The following ARHGAP21 variants were observed in gnomAD, a reference collection of about 807,000 sequenced individuals.
ARHGAP21 encodes the protein Rho GTPase activating protein 21.
ARHGAP21 carries 38 observed loss-of-function variants against 164.6 expected under a neutral mutation model. The ratio of observed to expected loss-of-function variants is 0.23; its 90% CI spans 0.18 to 0.30. The LOEUF (loss-of-function observed/expected upper bound fraction) is 0.30. Ranked by LOEUF, ARHGAP21 falls within the 10% of genes least tolerant of loss-of-function variation. The pLI is 1.00. For synonymous variants in ARHGAP21, 766 were observed against 857.9 expected, an observed-to-expected ratio of 0.89 and a Z score of 1.87; for missense variants, 1,822 against 2,370.7, an observed-to-expected ratio of 0.77 and a Z score of 4.81.
chr10:24,651,138 T>TC (rs1838120930), intron 4 of ARHGAP21, among the ~76,000 whole-genome samples: 1 of 152,166 alleles, frequency 6.6e-6, no homozygotes, highest in African/African-American at 2.4e-5. Flanking sequence ...TCTGAAGAAC[T>TC]TGCCGAGGGG....
In ARHGAP21 at chr10:24,618,012, G is replaced by A. The variant is rs138344317; in HGVS notation, c.2422+1461C>T. 1.5e-3 allele frequency among the ~76,000 whole-genome samples: 230 copies of A among 148,978 alleles called. 5 individuals are homozygous for A. In the East Asian group the frequency reaches 0.038, roughly 25 times the overall value. ...GCTCCCTGGAGCTGTGCTCTGGGAC[G>A]AGGCTGAATGAGGCAAACCTAGAGA... On this transcript the variant is annotated intron_variant, in intron 9 of 25. Coordinates refer to ENST00000396432, the MANE Select transcript of ARHGAP21 (RefSeq NM_020824.4).
intron 2 of ARHGAP21, among the ~76,000 whole-genome samples, chr10:24,687,065 AT>A (rs1329242796): frequency 1.3e-5 from 2 of 152,118 alleles, no homozygotes; most frequent in African/African-American, 4.8e-5. Flanking sequence ...AAAATACAAA[AT>A]TTAGCCAGGT....
At chr10:24,619,027 A>G (rs1047135738) in intron 9 of ARHGAP21, among the ~76,000 whole-genome samples, 23 of 152,202 alleles carry the variant, frequency 1.5e-4, no homozygotes, top group African/African-American at 5.1e-4. Flanking sequence ...TAACTTGACA[A>G]TGAAGAGGTC....
chr10:24,653,094 T>A (rs1010041653), intron 4 of ARHGAP21, among the ~76,000 whole-genome samples: 5 of 152,168 alleles, frequency 3.3e-5, no homozygotes, highest in Admixed American at 6.5e-5. Flanking sequence ...ATACATAAGA[T>A]AAAAAATACC....
rs565872094 is a variant in ARHGAP21, at chr10:24,624,337, C to CTTTTTTTTTTT, written c.496-1586_496-1576dup. On this transcript the variant is annotated intron_variant, in intron 7 of 25. Coordinates refer to ENST00000396432, the MANE Select transcript of ARHGAP21 (RefSeq NM_020824.4). ...CTGCCTGGGAAATGCTGTTCTAGAACTTTTTTTTTTTTTTTTTTTTGAGAC... is the reference window on the plus strand; with the variant it reads ...CTGCCTGGGAAATGCTGTTCTAGAACTTTTTTTTTTTTTTTTTTTTTTTTTTTTTTTGAGAC... Among the ~76,000 whole-genome samples, 149 of 102,860 alleles carry CTTTTTTTTTTT rather than the reference C, an allele frequency of 1.4e-3. 15 individuals carry two copies. The highest frequency in any genetic ancestry group is 4.0e-3 in the African/African-American group (101 of 25,250). The allele number at this position is 102,860 out of a possible 152,430, so 67.5% of individuals were successfully genotyped here. A position where few individuals can be genotyped will look rare whatever the true frequency, so the allele number is the denominator to read the frequency against.
At chr10:24,634,241 A>T (rs906268236) in intron 5 of ARHGAP21, among the ~76,000 whole-genome samples, 1 of 151,888 alleles carries the variant, frequency 6.6e-6, no homozygotes, top group Non-Finnish European at 1.5e-5. Context: ...TAAGTATAAT[A>T]AAAAAAACTA....
intron 11 of ARHGAP21, among the ~76,000 whole-genome samples, chr10:24,605,965 T>C (rs954075462): frequency 6.6e-6 from 1 of 152,126 alleles, no homozygotes; most frequent in Non-Finnish European, 1.5e-5. Context: ...ACATATGACT[T>C]AGTATATAAT....
chr10:24,716,730 G>A (rs1845424110), intron 2 of ARHGAP21, among the ~76,000 whole-genome samples: 1 of 152,206 alleles, frequency 6.6e-6, no homozygotes, highest in South Asian at 2.1e-4. Flanking sequence ...ACAGGCTTTA[G>A]GCTGGCAAGG....
intron 9 of ARHGAP21, among the ~76,000 whole-genome samples, chr10:24,619,270 T>TA (rs1565027142): frequency 7.3e-5 from 11 of 151,188 alleles, no homozygotes; most frequent in African/African-American, 2.5e-4. Flanking sequence ...TGTTTTTTTT[T>TA]TAAAAAAAGG....
At chr10:24,638,433 T>C (rs1464698640) in intron 4 of ARHGAP21, among the ~76,000 whole-genome samples, 1 of 152,224 alleles carries the variant, frequency 6.6e-6, no homozygotes, top group Non-Finnish European at 1.5e-5. Context: ...AAGTATCATA[T>C]TTAACACGTG....
At chr10:24,660,977 C>T (rs1229644165) in intron 4 of ARHGAP21, among the ~76,000 whole-genome samples, 1 of 152,028 alleles carries the variant, frequency 6.6e-6, no homozygotes, top group Admixed American at 6.6e-5. Flanking sequence ...GATGGCATCC[C>T]GAGACCACCC....
chr10:24,689,830 G>A (rs937211626), intron 2 of ARHGAP21, among the ~76,000 whole-genome samples: 1 of 148,050 alleles, frequency 6.8e-6, no homozygotes, highest in Non-Finnish European at 1.5e-5. Flanking sequence ...ATGTATATAT[G>A]TATGTGTATA....
intron 3 of ARHGAP21, among the ~76,000 whole-genome samples, 155 bp downstream of exon 3, chr10:24,670,063 T>C (rs959720333): frequency 6.6e-6 from 1 of 152,080 alleles, no homozygotes; most frequent in Non-Finnish European, 1.5e-5. Flanking sequence ...GGAAAATACC[T>C]AAAAGGAGAA....
At chr10:24,613,140 C>G (rs929905486) in intron 9 of ARHGAP21, among the ~76,000 whole-genome samples, 1 of 151,920 alleles carries the variant, frequency 6.6e-6, no homozygotes, top group Non-Finnish European at 1.5e-5. Flanking sequence ...ATACCAATTA[C>G]TGAACATCAG....
rs1428979349 is a variant in ARHGAP21 at position 24,584,460 on chromosome 10, T to C, written c.5829A>G (p.Lys1943=). Residue 1943 remains lysine, a synonymous_variant, in exon 26 of 26, where the codon AAA becomes AAG. Transcript: ENST00000396432. The part of the protein sequence containing the change: ...ASSAANAQPH[K]LSETPGSKAE... ...CTTTACTGCCTGGGGTTTCAGACAG[T>C]TTATGAGGTTGGGCATTCGCTGCAG... The C allele has an allele frequency of 6.2e-7, 1 of 1,613,508 alleles. No homozygotes were observed. Among genetic ancestry groups the C allele is most frequent in the Non-Finnish European group, 8.5e-7 (1 of 1,179,740 alleles).
intron 2 of ARHGAP21, among the ~76,000 whole-genome samples, chr10:24,689,770 A>G (rs1227472956): frequency 6.6e-6 from 1 of 151,054 alleles, no homozygotes; most frequent in Non-Finnish European, 1.5e-5. Flanking sequence ...ATATGTATGT[A>G]TATATGTGTG....
chr10:24,662,110 C>A (rs1201414107), intron 4 of ARHGAP21, among the ~76,000 whole-genome samples: 1 of 152,146 alleles, frequency 6.6e-6, no homozygotes, highest in Non-Finnish European at 1.5e-5. Context: ...GATGGTTGCT[C>A]CTGCAAAGTG....
At chr10:24,711,093 CAAAAAAAAAAAAA>C (rs11304785) in intron 2 of ARHGAP21, among the ~76,000 whole-genome samples, 3 of 43,566 alleles carry the variant, frequency 6.9e-5, no homozygotes, top group Admixed American at 3.2e-4. Context: ...GACTCCATCT[CAAAAAAAAAAAAA>C]AAAAAAAAAG....
rs1185556126 is a variant in ARHGAP21, at chr10:24,599,852, GGCCGGGCGCGGT to G, written c.3132+782_3132+793del. ...TGTTCTGCATGAAAAAGAAATGCTG[GGCCGGGCGCGGT>G]GGCTCACGCCTGTAATGCCAGCACT... On this transcript the variant is annotated intron_variant, in intron 14 of 25. Coordinates refer to ENST00000396432, the MANE Select transcript of ARHGAP21 (RefSeq NM_020824.4). 2.6e-5 allele frequency among the ~76,000 whole-genome samples: 4 copies of G among 152,208 alleles called. No homozygotes were observed. The East Asian group carries it at 7.7e-4, about 29-fold the overall frequency.
Sources: gnomAD v4.1 joint callset for allele counts (sites outside exome capture counted in the v4.1 genomes callset) on GRCh38, gnomAD v4.1.1 for gene constraint, MANE v1.5 for transcripts, NCBI Gene and HGNC (gene_info 2026-07-23, HGNC 2026-07-21) for gene names.